KIF5A: variants seen among roughly 807,000 people sequenced by gnomAD.
KIF5A encodes the protein kinesin heavy chain isoform 5A.
In KIF5A, 35 loss-of-function variants were observed where a neutral mutation model predicts 141.3. That is an observed-to-expected ratio of 0.25 (90% CI 0.19 to 0.33). KIF5A has a LOEUF of 0.33. Ranked by LOEUF, KIF5A falls within the 10% of genes least tolerant of loss-of-function variation. KIF5A has a pLI of 1.00. For synonymous variants in KIF5A, 448 were observed against 500.2 expected, an observed-to-expected ratio of 0.90 and a Z score of 1.39; for missense variants, 861 against 1,314.3, an observed-to-expected ratio of 0.66 and a Z score of 5.33.
intron 24 of KIF5A, 120 bp downstream of exon 24, chr12:57,581,292 C>T (rs111584441): frequency 2.0e-6 from 3 of 1,526,236 alleles, no homozygotes; most frequent in Non-Finnish European, 2.7e-6. Flanking sequence ...CCACTTCCCC[C>T]CAAAAAGTAA....
intron 1 of KIF5A, among the ~76,000 whole-genome samples, chr12:57,551,746 A>T (rs191413398): frequency 3.9e-5 from 6 of 152,234 alleles, no homozygotes; most frequent in African/African-American, 1.4e-4. Context: ...GGGCCTTCTG[A>T]GTCAGTGAGA....
At chr12:57,560,697 TACTAATTTATG>T (rs1444595841) in intron 1 of KIF5A, among the ~76,000 whole-genome samples, 1 of 152,188 alleles carries the variant, frequency 6.6e-6, no homozygotes, top group Non-Finnish European at 1.5e-5. Context: ...GTCTTTTTGT[TACTAATTTATG>T]AGAGTTTTTA....
In KIF5A at chr12:57,586,125, G is replaced by T. The variant is rs1361803212; in HGVS notation, c.*1944G>T. 6.6e-6 allele frequency: 1 copy of T among 152,028 alleles called. No homozygotes were observed. Among genetic ancestry groups the T allele is most frequent in the South Asian group, 2.1e-4 (1 of 4,822 alleles). The allele number at this position is 152,028 out of a possible 1,614,324, so 9.4% of individuals were successfully genotyped here. On this transcript the variant is annotated 3_prime_UTR_variant, in exon 29 of 29. Coordinates refer to ENST00000455537, the MANE Select transcript of KIF5A (RefSeq NM_004984.4). ...CTCATGGAAAAGAGGGCAACGGTGG[G>T]GTAGACAAGCCATGCTGTCTCCAGA...
At position 57,564,900 on chromosome 12, in the gene KIF5A, T is replaced by C. The variant is rs188999300; in HGVS notation, c.446-18T>C. On this transcript the variant is annotated intron_variant, in intron 5 of 28. Coordinates refer to ENST00000455537, the MANE Select transcript of KIF5A (RefSeq NM_004984.4). Reference sequence around the variant, plus strand: ...GTGGAAGTACTAGTCTTGCTTACCCTGCATTCTTTTGATTCAGTGACCAAG... The same window carrying C: ...GTGGAAGTACTAGTCTTGCTTACCCCGCATTCTTTTGATTCAGTGACCAAG... 4.0e-4 allele frequency: 650 copies of C among 1,613,780 alleles called. 2 individuals are homozygous for C. In the African/African-American group the frequency reaches 7.4e-3, roughly 18 times the overall value.
At chr12:57,570,200 TG>T (rs1221283168) in intron 12 of KIF5A, 38 bp downstream of exon 12, 5 of 1,602,696 alleles carry the variant, frequency 3.1e-6, no homozygotes, top group Non-Finnish European at 4.3e-6. Flanking sequence ...GCACGCCAGG[TG>T]GGATGAGAGG....
rs976094125 is a variant in KIF5A at position 57,565,689 on chromosome 12, A to G, written c.501+716A>G. ...GCCCAGGCTGGAGTGCAGTGGCTCG[A>G]CCTAGGGTCACTGCAACCTCCCTGT... is the stretch of plus-strand genomic sequence containing the variant. On this transcript the variant is annotated intron_variant, in intron 6 of 28. Transcript: ENST00000455537. Among the ~76,000 whole-genome samples the G allele has an allele frequency of 2.1e-5, 3 of 141,942 alleles. No homozygotes were observed. In the East Asian group the frequency reaches 6.6e-4, roughly 31 times the overall value. 93.1% of individuals were successfully genotyped at this position (141,942 alleles called of 152,430 possible). A position where few individuals can be genotyped will look rare whatever the true frequency, so the allele number is the denominator to read the frequency against.
chr12:57,581,959 G>GA lies in KIF5A; in HGVS notation c.2992+12dup, dbSNP rs576635518. On this transcript the variant is annotated splice_region_variant and intron_variant, in intron 26 of 28. Coordinates refer to ENST00000455537, the MANE Select transcript of KIF5A (RefSeq NM_004984.4). ...AAGGCCAACATGGACAATGGTGAGT[G>GA]AAAAAGATGGGTAATCCCACCTTTG... 128 of 1,612,108 alleles carry GA rather than the reference G, an allele frequency of 7.9e-5. No homozygotes were observed. Among genetic ancestry groups the GA allele is most frequent in the Non-Finnish European group, 1.1e-4 (127 of 1,178,306 alleles).
Position 57,550,518 on chromosome 12 carries a change from A to G in KIF5A, c.129+118A>G. 1 of 1,099,084 alleles carries G rather than the reference A, an allele frequency of 9.1e-7. No individual in the cohort carries two copies. 68.1% of individuals were successfully genotyped at this position (1,099,084 alleles called of 1,614,324 possible). ...TCCCCCTCCCCGCCGCTCATCCTTC[A>G]TCCTCTTCCCCGCAGCCCCTCCTCT... On this transcript the variant is annotated intron_variant, in intron 1 of 28. Transcript: ENST00000455537. This position sits in a 1 kb window ranked among gnomAD's most constrained non-coding sequence, Gnocchi z 4.6.
intron 1 of KIF5A, among the ~76,000 whole-genome samples, chr12:57,556,079 T>G (rs1225660249): frequency 1.3e-5 from 2 of 151,652 alleles, no homozygotes; most frequent in Admixed American, 6.6e-5. Flanking sequence ...AAATCATATC[T>G]CATGTCACAT....
At chr12:57,556,373 C>T (rs929526237) in intron 1 of KIF5A, among the ~76,000 whole-genome samples, 3 of 151,970 alleles carry the variant, frequency 2.0e-5, no homozygotes, top group Non-Finnish European at 2.9e-5. Flanking sequence ...CTCCTGACCT[C>T]GTGATCCACC....
intron 23 of KIF5A, among the ~76,000 whole-genome samples, chr12:57,578,702 G>A (rs1370174940): frequency 1.3e-5 from 2 of 152,138 alleles, no homozygotes; most frequent in African/African-American, 4.8e-5. Flanking sequence ...AAGAAGCAAG[G>A]GAGTTGGGCT....
In KIF5A at chr12:57,572,144, T is replaced by G; in HGVS notation, c.1446T>G (p.Asp482Glu). 1.2e-6 allele frequency: 2 copies of G among 1,613,994 alleles called. No homozygotes were observed. Among genetic ancestry groups the G allele is most frequent in the Non-Finnish European group, 8.5e-7 (1 of 1,179,982 alleles). ...HLQSENDAAK[D>E]EVKEVLQALE... is the part of the protein sequence containing the mutation. ...AATCAGAGAACGATGCCGCTAAGGA[T>G]GAGGTGAAGGAAGTGCTGCAGGCCC... Residue 482 changes from aspartate (D) to glutamate (E), a missense_variant, in exon 14 of 29, where the codon GAT becomes GAG. Physicochemically the swap from Asp to Glu is conservative, Grantham distance 45. Coordinates refer to ENST00000455537, the MANE Select transcript of KIF5A (RefSeq NM_004984.4). This position sits in a 1 kb window ranked among gnomAD's most constrained non-coding sequence, Gnocchi z 4.2.
intron 27 of KIF5A, 125 bp from the exon 28 acceptor site, chr12:57,582,976 C>T (rs1882651927): frequency 1.2e-6 from 1 of 811,454 alleles, no homozygotes; most frequent in South Asian, 1.5e-5. Flanking sequence ...TCCCTGTATT[C>T]CTGTAAAACA....
In KIF5A at chr12:57,567,154, C is replaced by G. The variant is rs1319232269; in HGVS notation, c.530C>G (p.Pro177Arg). 1 of 1,613,048 alleles carries G rather than the reference C, an allele frequency of 6.2e-7. No homozygotes were observed. The highest frequency in any genetic ancestry group is 8.5e-7 in the Non-Finnish European group (1 of 1,179,354). ...KGCTERFVSS[P>R]EEILDVIDEG... ...TGTACTGAACGCTTTGTGTCCAGCC[C>G]GGAGGAGATTCTGGATGTGATTGAT... The change falls in exon 7 of 29, where the codon CCG (proline) becomes CGG (arginine). Residue 177 changes from proline (P) to arginine (R), a missense_variant. Around this residue, in one of 5 missense-constraint regions of KIF5A, gnomAD observed 146 missense variants for 353.4 expected, o/e 0.41. Transcript: ENST00000455537.
At position 57,567,502 on chromosome 12, in the gene KIF5A, G is replaced by T; in HGVS notation, c.598G>T (p.Glu200Ter). The part of the protein sequence containing the change: ...NRHVAVTNMN[E>*]HSSRSHSIFL... ...CTCCCTTGCTCCTGCAGACATGAAT[G>T]AACACAGCTCTCGGAGCCACAGCAT... Residue 200 changes from glutamate (E) to a stop codon, truncating the protein, a stop_gained, in exon 8 of 29, where the codon GAA becomes TAA. Transcript: ENST00000455537. LOFTEE classifies it high-confidence loss of function. 6.2e-7 allele frequency: 1 copy of T among 1,613,130 alleles called. No individual in the cohort carries two copies. The highest frequency in any genetic ancestry group is 1.1e-5 in the South Asian group (1 of 90,964).
At position 57,550,242 on chromosome 12, in the gene KIF5A, A is replaced by C; in HGVS notation, c.-30A>C. On this transcript the variant is annotated 5_prime_UTR_variant, in exon 1 of 29. Transcript: ENST00000455537. This position sits in a 1 kb window ranked among gnomAD's most constrained non-coding sequence, Gnocchi z 4.6. ...GCACACACCACCCCTGCAGCCCAAGAAGAGTCCCAGCCCCACGCCGGCTAC... is the reference window on the plus strand; with the variant it reads ...GCACACACCACCCCTGCAGCCCAAGCAGAGTCCCAGCCCCACGCCGGCTAC... The C allele has an allele frequency of 1.2e-6, 2 of 1,613,536 alleles. No individual in the cohort carries two copies. The highest frequency in any genetic ancestry group is 1.7e-6 in the Non-Finnish European group (2 of 1,179,936).
chr12:57,567,449 G>T (rs1322395917), intron 7 of KIF5A, 45 bp from the exon 8 acceptor site: 1 of 1,610,274 alleles, frequency 6.2e-7, no homozygotes, highest in African/African-American at 1.3e-5. Flanking sequence ...GAGGACCTCA[G>T]TTCTGCAGGG....
chr12:57,550,969 A>G lies in KIF5A; in HGVS notation c.129+569A>G, dbSNP rs1236046412. 2.6e-5 allele frequency among the ~76,000 whole-genome samples: 4 copies of G among 152,060 alleles called. No homozygotes were observed. The highest frequency in any genetic ancestry group is 9.7e-5 in the African/African-American group (4 of 41,402). On this transcript the variant is annotated intron_variant, in intron 1 of 28. Coordinates refer to ENST00000455537, the MANE Select transcript of KIF5A (RefSeq NM_004984.4). This position sits in a 1 kb window ranked among gnomAD's most constrained non-coding sequence, Gnocchi z 4.6. ...GGTCTGATGCAGGGTTTACTGGGAA[A>G]GAAATCATTGATGCCACACCCAATC...
intron 12 of KIF5A, among the ~76,000 whole-genome samples, chr12:57,570,905 A>T (rs957423117): frequency 6.7e-6 from 1 of 149,650 alleles, no homozygotes; most frequent in East Asian, 2.0e-4. Flanking sequence ...ATCCCCCCCA[A>T]CCTCAGCCTC....
Sources: allele counts gnomAD v4.1 joint callset (sites outside exome capture counted in the v4.1 genomes callset), GRCh38; gene constraint gnomAD v4.1.1; regional missense constraint gnomAD v4.1.1; non-coding constraint Gnocchi (gnomAD v3.1); transcripts MANE v1.5; gene names NCBI Gene and HGNC (gene_info 2026-07-23, HGNC 2026-07-21).